Variants in FAM83D observed in about 807,000 individuals in gnomAD.
FAM83D encodes protein FAM83D.
FAM83D carries 26 observed loss-of-function variants against 25.4 expected under a neutral mutation model. The ratio of observed to expected loss-of-function variants is 1.02; its 90% CI spans 0.75 to 1.42. FAM83D has a LOEUF of 1.42. FAM83D is among the 40% of genes most tolerant of loss of function. The pLI is 0.00. For missense variants in FAM83D, 740 were observed against 758.1 expected (o/e 0.98, Z 0.28); for synonymous variants, 310 against 318.5 (o/e 0.97, Z 0.28).
At position 38,951,401 on chromosome 20, in the gene FAM83D, C is replaced by G. The variant is rs74882349; in HGVS notation, c.777-138C>G. The G allele has an allele frequency of 2.3e-3, 1,990 of 865,062 alleles. 23 individuals carry two copies. The African/African-American group carries it at 0.03, about 13-fold the overall frequency. The allele number at this position is 865,062 out of a possible 1,614,324, so 53.6% of individuals were successfully genotyped here. A position where few individuals can be genotyped will look rare whatever the true frequency, so the allele number is the denominator to read the frequency against. On this transcript the variant is annotated intron_variant, in intron 3 of 3. Coordinates refer to ENST00000619850, the MANE Select transcript of FAM83D (RefSeq NM_030919.3). ...TGTGTTAAGGCTAGTTAAATACATG[C>G]AAATGGTAGGTATGATATCACCAAA...
At chr20:38,927,514 T>C (rs2085641430) in intron 1 of FAM83D, among the ~76,000 whole-genome samples, 1 of 148,712 alleles carries the variant, frequency 6.7e-6, no homozygotes, top group Non-Finnish European at 1.5e-5. Flanking sequence ...TTTTTTTTTT[T>C]TTTTTTGAGA....
rs776570461 is a variant in FAM83D at position 38,952,163 on chromosome 20, G to A, written c.1401G>A (p.Met467Ile). ...QSTEGSPVSK[M>I]SVSRSSSLKS... ...CAGAAGGGTCACCAGTCTCAAAAATGTCTGTATCGAGATCTTCCAGTTTGA... is the reference window on the plus strand; with the variant it reads ...CAGAAGGGTCACCAGTCTCAAAAATATCTGTATCGAGATCTTCCAGTTTGA... Residue 467 changes from methionine to isoleucine, a missense_variant, in exon 4 of 4, where the codon ATG (methionine) becomes ATA (isoleucine). Physicochemically the swap from Met to Ile is conservative, Grantham distance 10 (BLOSUM62 1). This residue lies in a region of FAM83D where 375 missense variants were observed against 403.2 expected (regional missense o/e 0.93). Transcript: ENST00000619850. The A allele has an allele frequency of 2.5e-6, 4 of 1,614,076 alleles. No homozygotes were observed. Among genetic ancestry groups the A allele is most frequent in the Non-Finnish European group, 3.4e-6 (4 of 1,180,046 alleles).
chr20:38,948,928 C>T (rs1424400557), intron 3 of FAM83D, among the ~76,000 whole-genome samples: 2 of 152,118 alleles, frequency 1.3e-5, no homozygotes, highest in Admixed American at 1.3e-4. Context: ...AAATTGAACT[C>T]TTTTTCTTGG....
At chr20:38,934,658 G>A (rs2085671319) in intron 1 of FAM83D, among the ~76,000 whole-genome samples, 1 of 152,142 alleles carries the variant, frequency 6.6e-6, no homozygotes. Flanking sequence ...TAGACAATAG[G>A]CCATGCGTTG....
At chr20:38,937,530 A>G (rs2085683959) in intron 1 of FAM83D, among the ~76,000 whole-genome samples, 1 of 152,178 alleles carries the variant, frequency 6.6e-6, no homozygotes, top group South Asian at 2.1e-4. Flanking sequence ...CCTTCAGTCT[A>G]GCCCCAGGTC....
At chr20:38,948,966 A>G (rs1199136428) in intron 3 of FAM83D, among the ~76,000 whole-genome samples, 1 of 152,230 alleles carries the variant, frequency 6.6e-6, no homozygotes, top group African/African-American at 2.4e-5. Flanking sequence ...AGTTTATTAA[A>G]AAAATTTGTT....
At chr20:38,927,861 A>G (rs915235075) in intron 1 of FAM83D, among the ~76,000 whole-genome samples, 8 of 152,184 alleles carry the variant, frequency 5.3e-5, no homozygotes, top group Non-Finnish European at 8.8e-5. Flanking sequence ...TTTGTTTTCC[A>G]TAGGCTGGGT....
intron 1 of FAM83D, among the ~76,000 whole-genome samples, chr20:38,933,409 C>G (rs1269115647): frequency 6.6e-6 from 1 of 152,198 alleles, no homozygotes; most frequent in Non-Finnish European, 1.5e-5. Context: ...AGATGGCAAA[C>G]TTATCTATTT....
At chr20:38,946,102 C>T (rs917442939) in intron 2 of FAM83D, among the ~76,000 whole-genome samples, 18 of 142,924 alleles carry the variant, frequency 1.3e-4, no homozygotes, top group Non-Finnish European at 1.5e-5. Flanking sequence ...CTTAGCTACT[C>T]GGGAGGCTGA....
At chr20:38,928,197 C>T (rs1389731529) in intron 1 of FAM83D, among the ~76,000 whole-genome samples, 2 of 152,230 alleles carry the variant, frequency 1.3e-5, no homozygotes, top group African/African-American at 4.8e-5. Flanking sequence ...GCAGATAAAG[C>T]CCCAGCCATG....
At chr20:38,927,188 T>C (rs532890022) in intron 1 of FAM83D, among the ~76,000 whole-genome samples, 12 of 152,306 alleles carry the variant, frequency 7.9e-5, no homozygotes, top group African/African-American at 2.9e-4. Flanking sequence ...TTCCATCTCC[T>C]AACGTTCATA....
At chr20:38,951,512 G>A in intron 3 of FAM83D, 27 bp from the exon 4 acceptor site, 1 of 1,592,374 alleles carries the variant, frequency 6.3e-7, no homozygotes, top group Non-Finnish European at 8.6e-7. Flanking sequence ...CTTACCAGCT[G>A]CTGTTTGTTT....
At chr20:38,936,440 G>T (rs1241425413) in intron 1 of FAM83D, among the ~76,000 whole-genome samples, 2 of 151,940 alleles carry the variant, frequency 1.3e-5, no homozygotes, top group Non-Finnish European at 2.9e-5. Context: ...TGCCATTTAA[G>T]GGCTTTCCAT....
chr20:38,950,026 T>G (rs1269535402), intron 3 of FAM83D, among the ~76,000 whole-genome samples: 1 of 152,166 alleles, frequency 6.6e-6, no homozygotes. Flanking sequence ...TTTCACTATG[T>G]TAGCCGGGAT....
At chr20:38,933,405 C>T (rs184561141) in intron 1 of FAM83D, among the ~76,000 whole-genome samples, 1 of 152,196 alleles carries the variant, frequency 6.6e-6, no homozygotes, top group Non-Finnish European at 1.5e-5. Flanking sequence ...ATTAAGATGG[C>T]AAACTTATCT....
At chr20:38,950,423 G>T (rs1032772807) in intron 3 of FAM83D, among the ~76,000 whole-genome samples, 1 of 152,198 alleles carries the variant, frequency 6.6e-6, no homozygotes, top group African/African-American at 2.4e-5. Context: ...AGAGGAGGGA[G>T]GCGGGGAAGG....
chr20:38,941,386 G>T (rs1472708883), intron 1 of FAM83D, among the ~76,000 whole-genome samples: 1 of 152,184 alleles, frequency 6.6e-6, no homozygotes, highest in Non-Finnish European at 1.5e-5. Context: ...GTCATGAGTT[G>T]GTGGTGAATG....
intron 1 of FAM83D, among the ~76,000 whole-genome samples, chr20:38,928,294 G>A (rs1279426838): frequency 4.6e-5 from 7 of 152,210 alleles, no homozygotes; most frequent in Non-Finnish European, 7.3e-5. Flanking sequence ...TCCAAGCCCC[G>A]ACTCTCACCA....
intron 1 of FAM83D, among the ~76,000 whole-genome samples, chr20:38,939,319 C>T (rs1384559715): frequency 6.6e-6 from 1 of 151,904 alleles, no homozygotes; most frequent in Non-Finnish European, 1.5e-5. Context: ...TAGTCCACCA[C>T]TGGAGGAGAC....
Sources: allele counts gnomAD v4.1 joint callset (sites outside exome capture counted in the v4.1 genomes callset), GRCh38; gene constraint gnomAD v4.1.1; regional missense constraint gnomAD v4.1.1; transcripts MANE v1.5; gene names NCBI Gene and HGNC (gene_info 2026-07-23, HGNC 2026-07-21).